The following CD300C variants were observed in gnomAD, a reference collection of about 807,000 sequenced individuals.
The protein encoded by CD300C is CMRF35-like molecule 6.
Under a neutral mutation model 18.4 loss-of-function variants are expected in CD300C, and 11 were observed. The observed-to-expected ratio is 0.60, with a 90% CI of 0.38 to 0.99. CD300C has a LOEUF of 0.99. Among genes scored for constraint, CD300C ranks in the 50% least tolerant of loss-of-function variants. The pLI is 0.01. For missense variants in CD300C, 277 were observed against 287.4 expected (o/e 0.96, Z 0.26); for synonymous variants, 116 against 116.3 (o/e 1.00, Z 0.02).
At chr17:74,540,048 A>G (rs1412432227), downstream of CD300C, among the ~76,000 whole-genome samples, 3 of 152,226 alleles carry the variant, frequency 2.0e-5, no homozygotes, top group Admixed American at 2.0e-4. Context: ...TGCCATATCC[A>G]GCTCAGGCTG....
intron 2 of CD300C, 70 bp downstream of exon 2, chr17:74,544,537 TTC>T: frequency 6.6e-7 from 1 of 1,525,094 alleles, no homozygotes; most frequent in Non-Finnish European, 8.9e-7. Context: ...CCTGTTCCAC[TTC>T]TTTCTTCAGG....
rs1228771746 is a variant in CD300C, at chr17:74,544,533, C to T, written c.400+76G>A. 5.3e-6 allele frequency: 8 copies of T among 1,508,708 alleles called. No individual in the cohort carries two copies. The East Asian group carries it at 1.8e-4, about 34-fold the overall frequency. The allele number at this position is 1,508,708 out of a possible 1,614,324, so 93.5% of individuals were successfully genotyped here. A position where few individuals can be genotyped will look rare whatever the true frequency, so the allele number is the denominator to read the frequency against. ...ACCCCCAGGCTCACACCCTCCTGTT[C>T]CACTTCTTTCTTCAGGGACAGAATG... On this transcript the variant is annotated intron_variant, in intron 2 of 3. Coordinates refer to ENST00000330793, the MANE Select transcript of CD300C (RefSeq NM_006678.5).
At chr17:74,545,701 G>C in intron 1 of CD300C, 21 bp downstream of exon 1, 1 of 1,594,600 alleles carries the variant, frequency 6.3e-7, no homozygotes, top group Non-Finnish European at 8.6e-7. Context: ...AGCTCCCCAA[G>C]TCCAGGGTCG....
intron 1 of CD300C, 67 bp downstream of exon 1, chr17:74,545,655 C>A (rs905768315): frequency 2.0e-5 from 25 of 1,279,532 alleles, no homozygotes; most frequent in Non-Finnish European, 2.5e-5. Flanking sequence ...TACTCCAGCG[C>A]CTGCACCCCT....
In CD300C at chr17:74,541,569, G is replaced by A. The variant is rs1010895240; in HGVS notation, c.*20C>T. 7.6e-6 allele frequency: 12 copies of A among 1,574,730 alleles called. No individual in the cohort carries two copies. The Middle Eastern group carries it at 5.0e-4, about 66-fold the overall frequency. On this transcript the variant is annotated 3_prime_UTR_variant, in exon 4 of 4. Coordinates refer to ENST00000330793, the MANE Select transcript of CD300C (RefSeq NM_006678.5). ...CAGAGGGGCTCTGTTGCAGCACAGG[G>A]CCTTGATGGACAGCAGATGCTACTG... is the stretch of plus-strand genomic sequence containing the variant.
intron 3 of CD300C, among the ~76,000 whole-genome samples, chr17:74,542,602 T>A (rs1184848438): frequency 6.6e-6 from 1 of 152,268 alleles, no homozygotes; most frequent in Non-Finnish European, 1.5e-5. Context: ...TATTTGTACA[T>A]CAGCCTCTGT....
At chr17:74,539,688 G>T (rs1427503948), downstream of CD300C, among the ~76,000 whole-genome samples, 1 of 152,186 alleles carries the variant, frequency 6.6e-6, no homozygotes, top group Non-Finnish European at 1.5e-5. Flanking sequence ...CCCGACTCGG[G>T]TCTTTGTCCA....
rs1212777525 is a variant in CD300C at position 74,542,863 on chromosome 17, A to C, written c.525T>G (p.Pro175=). The C allele has an allele frequency of 1.9e-6, 3 of 1,605,668 alleles. No homozygotes were observed. Among genetic ancestry groups the C allele is most frequent in the Non-Finnish European group, 2.5e-6 (3 of 1,179,820 alleles). ...RKDSPEPSPH[P]GSLFSNVRFL... ...AGTCCTATGCGCAGGCACCTTACCC[A>C]GGGTGTGGGCTGGGTTCGGGGCTGT... is the stretch of plus-strand genomic sequence containing the variant. The change falls in exon 3 of 4, where the codon CCT becomes CCG. Residue 175 remains proline (P), a splice_region_variant and synonymous_variant. Transcript: ENST00000330793.
Position 74,542,975 on chromosome 17 carries a change from G to C in CD300C, c.413C>G (p.Thr138Arg). Residue 138 changes from threonine to arginine, a missense_variant, in exon 3 of 4, where the codon ACA becomes AGA. Physicochemically the swap from Thr to Arg is moderately conservative, Grantham distance 71. Coordinates refer to ENST00000330793, the MANE Select transcript of CD300C (RefSeq NM_006678.5). ...CATGGAGCTCTGGGGGCTGGAGGCT[G>C]TGGTCGTCCCGGCTGTGGGTGAAAC... The part of the protein sequence containing the change: ...EVSVFPAGTT[T>R]ASSPQSSMGT... The C allele has an allele frequency of 6.2e-7, 1 of 1,613,700 alleles. No homozygotes were observed. Among genetic ancestry groups the C allele is most frequent in the Non-Finnish European group, 8.5e-7 (1 of 1,180,030 alleles).
chr17:74,537,315 C>T (rs1908411193), downstream of CD300C, among the ~76,000 whole-genome samples: 1 of 152,330 alleles, frequency 6.6e-6, no homozygotes, highest in South Asian at 2.1e-4. Context: ...AGAAGTGACA[C>T]ATCAGTGCGT....
downstream of CD300C, among the ~76,000 whole-genome samples, chr17:74,537,299 A>G (rs879343013): frequency 4.6e-5 from 7 of 152,242 alleles, no homozygotes; most frequent in Non-Finnish European, 1.0e-4. Flanking sequence ...ATGTAGACCA[A>G]TACAAAGAAG....
At chr17:74,535,837 C>T in the CD300C span, among the ~76,000 whole-genome samples, 1 of 152,056 alleles carries the variant, frequency 6.6e-6, no homozygotes, top group African/African-American at 2.4e-5. Flanking sequence ...TTAAATACAG[C>T]TATAGTAATT....
the CD300C span, among the ~76,000 whole-genome samples, chr17:74,535,250 C>T: frequency 2.0e-5 from 3 of 152,120 alleles, no homozygotes; most frequent in South Asian, 2.1e-4. Flanking sequence ...AGATGGATCA[C>T]GAGGTCATCA....
Position 74,543,064 on chromosome 17 carries a change from T to C in CD300C, c.401-77A>G, listed in dbSNP as rs1598138766. On this transcript the variant is annotated intron_variant, in intron 2 of 3. Transcript: ENST00000330793. The stretch of plus-strand genomic sequence containing the variant: ...TACTCTCACCTGTTCTGCTCCAATT[T>C]TCACAGACAAGGTCACCAATGATGT... The C allele has an allele frequency of 4.4e-6, 7 of 1,575,960 alleles. No homozygotes were observed. In the East Asian group the frequency reaches 1.6e-4, roughly 35 times the overall value.
chr17:74,541,659 A>T lies in CD300C; in HGVS notation c.605T>A (p.Val202Asp), dbSNP rs565624860. ...LPLLLSMLGA[V>D]LWVNRPQRSS... Reference sequence around the variant, plus strand: ...TCTCTGAGGTCTGTTCACCCAGAGGACGGCACCCAGCATGCTCAGGAGCAG... The same window carrying T: ...TCTCTGAGGTCTGTTCACCCAGAGGTCGGCACCCAGCATGCTCAGGAGCAG... The change falls in exon 4 of 4, where the codon GTC (valine) becomes GAC (aspartate). Residue 202 changes from valine to aspartate, a missense_variant. By Grantham distance (152) the Val-to-Asp change is radical (BLOSUM62 -3). Transcript: ENST00000330793. 7.4e-6 allele frequency: 12 copies of T among 1,613,834 alleles called. No individual in the cohort carries two copies. The highest frequency in any genetic ancestry group is 6.7e-5 in the African/African-American group (5 of 74,952).
downstream of CD300C, among the ~76,000 whole-genome samples, chr17:74,537,440 A>G (rs1366216293): frequency 6.6e-6 from 1 of 152,082 alleles, no homozygotes. Context: ...TCACGAGGTC[A>G]GGAGATGGTA....
chr17:74,537,269 T>C (rs575621793), downstream of CD300C, among the ~76,000 whole-genome samples: 1 of 152,294 alleles, frequency 6.6e-6, no homozygotes, highest in South Asian at 2.1e-4. Context: ...GTGCGAGTTA[T>C]GGTATGCTCA....
At chr17:74,542,045 G>T (rs531169561) in intron 3 of CD300C, among the ~76,000 whole-genome samples, 1 of 152,286 alleles carries the variant, frequency 6.6e-6, no homozygotes, top group East Asian at 1.9e-4. Flanking sequence ...GGGTTACCCA[G>T]CTGGGGTCCC....
chr17:74,544,341 T>G (rs1598139740), intron 2 of CD300C, among the ~76,000 whole-genome samples: 1 of 151,588 alleles, frequency 6.6e-6, no homozygotes, highest in Admixed American at 6.6e-5. Context: ...CAGCGGGGGG[T>G]CTCCAGCCAC....
Sources: allele counts gnomAD v4.1 joint callset (sites outside exome capture counted in the v4.1 genomes callset), GRCh38; gene constraint gnomAD v4.1.1; transcripts MANE v1.5; gene names NCBI Gene and HGNC (gene_info 2026-07-23, HGNC 2026-07-21).